Variants in SNX10 observed in about 807,000 individuals in gnomAD.
The protein encoded by SNX10 is sorting nexin-10.
Under a neutral mutation model 28.5 loss-of-function variants are expected in SNX10, and 25 were observed. The ratio of observed to expected loss-of-function variants is 0.88; its 90% CI spans 0.64 to 1.22. The LOEUF is 1.22. SNX10 is among the 50% of genes most tolerant of loss of function. The probability of loss-of-function intolerance (pLI) is 0.00; values close to 1 mark genes in which losing one functional copy is unlikely to be tolerated. For synonymous variants in SNX10, 62 were observed against 81.4 expected (o/e 0.76, Z 1.28); for missense variants, 223 against 242.6 (o/e 0.92, Z 0.54).
intron 1 of SNX10, among the ~76,000 whole-genome samples, chr7:26,305,266 C>T (rs1786538918): frequency 6.6e-6 from 1 of 152,214 alleles, no homozygotes; most frequent in Non-Finnish European, 1.5e-5. Context: ...GGATACTCCC[C>T]AGTTCCTCTC....
intron 1 of SNX10, among the ~76,000 whole-genome samples, chr7:26,301,106 C>T (rs1417684557): frequency 1.3e-5 from 2 of 149,494 alleles, no homozygotes; most frequent in East Asian, 4.1e-4. Context: ...TATGTTACTT[C>T]ATCATTGGTA....
intron 1 of SNX10, among the ~76,000 whole-genome samples, chr7:26,340,838 C>T (rs1406078291): frequency 1.3e-5 from 2 of 152,206 alleles, no homozygotes; most frequent in African/African-American, 2.4e-5. Flanking sequence ...GCAAATAGCT[C>T]ACTGCAGCCT....
chr7:26,321,135 C>G (rs1297665394), intron 1 of SNX10, among the ~76,000 whole-genome samples: 5 of 152,182 alleles, frequency 3.3e-5, no homozygotes, highest in African/African-American at 9.7e-5. Context: ...TGAACATTGG[C>G]CTGTTTCAAA....
At position 26,365,049 on chromosome 7, in the gene SNX10, A is replaced by G; in HGVS notation, c.215A>G (p.Gln72Arg). ...QRLQSNALLV[Q>R]LPELPSKNLF... ...CATTGTTTTTTCTTTCTCCTAAGAC[A>G]ACTGCCAGAACTTCCATCTAAAAAC... Residue 72 changes from glutamine to arginine, a missense_variant and splice_region_variant, in exon 5 of 7, where the codon CAA (glutamine) becomes CGA (arginine). Physicochemically the swap from Gln to Arg is conservative, Grantham distance 43 (BLOSUM62 1). Coordinates refer to ENST00000338523, the MANE Select transcript of SNX10 (RefSeq NM_013322.3). 2 of 1,595,800 alleles carry G rather than the reference A, an allele frequency of 1.3e-6. No homozygotes were observed. The highest frequency in any genetic ancestry group is 1.7e-6 in the Non-Finnish European group (2 of 1,163,390).
chr7:26,314,544 T>G (rs1786991455), intron 1 of SNX10, among the ~76,000 whole-genome samples: 1 of 152,218 alleles, frequency 6.6e-6, no homozygotes, highest in Non-Finnish European at 1.5e-5. Context: ...TCTGAAACCC[T>G]TGGGCTTTTA....
chr7:26,299,249 G>A (rs1786228664), intron 1 of SNX10, among the ~76,000 whole-genome samples: 1 of 152,068 alleles, frequency 6.6e-6, no homozygotes, highest in African/African-American at 2.4e-5. Context: ...AGGCTGGAGT[G>A]CGGTGGTGCG....
Position 26,372,487 on chromosome 7 carries a change from C to A in SNX10, c.525-4C>A. The A allele has an allele frequency of 6.3e-7, 1 of 1,593,274 alleles. No individual in the cohort carries two copies. Among genetic ancestry groups the A allele is most frequent in the Non-Finnish European group, 8.6e-7 (1 of 1,161,248 alleles). On this transcript the variant is annotated splice_polypyrimidine_tract_variant and splice_region_variant and intron_variant, in intron 6 of 6. Coordinates refer to ENST00000338523, the MANE Select transcript of SNX10 (RefSeq NM_013322.3). ...TATTATTTTCCCCCTCTCTTCTTTT[C>A]CAGTTCATCCTCTGGGCTTGGACAC...
intron 1 of SNX10, among the ~76,000 whole-genome samples, chr7:26,308,163 C>T (rs1486070847): frequency 6.6e-6 from 1 of 152,182 alleles, no homozygotes; most frequent in African/African-American, 2.4e-5. Flanking sequence ...TGTTTTAGGC[C>T]TCAGAAGCAG....
At chr7:26,369,023 G>A (rs1789402151) in intron 5 of SNX10, among the ~76,000 whole-genome samples, 1 of 152,034 alleles carries the variant, frequency 6.6e-6, no homozygotes, top group African/African-American at 2.4e-5. Flanking sequence ...CTTTTCAACT[G>A]TGTCCAGTTT....
At chr7:26,351,477 A>G (rs900005149) in intron 2 of SNX10, among the ~76,000 whole-genome samples, 1 of 152,162 alleles carries the variant, frequency 6.6e-6, no homozygotes, top group Non-Finnish European at 1.5e-5. Context: ...AATACCTGCG[A>G]GGGCTCCTCA....
intron 1 of SNX10, among the ~76,000 whole-genome samples, chr7:26,303,131 TA>T (rs1189745997): frequency 6.6e-6 from 1 of 152,210 alleles, no homozygotes; most frequent in Non-Finnish European, 1.5e-5. Flanking sequence ...GCAGATCCCC[TA>T]AAGTCTTTGA....
intron 1 of SNX10, among the ~76,000 whole-genome samples, chr7:26,321,564 T>G (rs1270325651): frequency 6.6e-6 from 1 of 152,208 alleles, no homozygotes; most frequent in African/African-American, 2.4e-5. Context: ...CTGCCTGCCT[T>G]GGCCACGTGT....
intron 2 of SNX10, among the ~76,000 whole-genome samples, chr7:26,358,812 T>TTTTTTTTTGTTTTTGTTTTTG (rs1562817104): frequency 2.1e-5 from 3 of 146,130 alleles, no homozygotes; most frequent in East Asian, 2.0e-4. Context: ...TGTGTTTTTT[T>TTTTTTTTTGTTTTTGTTTTTG]TTTTTTTTTT....
chr7:26,315,691 A>G (rs1787057501), intron 1 of SNX10, among the ~76,000 whole-genome samples: 1 of 152,026 alleles, frequency 6.6e-6, no homozygotes, highest in African/African-American at 2.4e-5. Context: ...ATTGCAAAAT[A>G]CTTGATAGGG....
intron 2 of SNX10, among the ~76,000 whole-genome samples, chr7:26,359,521 C>G (rs780067616): frequency 1.4e-4 from 21 of 152,140 alleles, no homozygotes; most frequent in Non-Finnish European, 2.6e-4. Context: ...TATTTAAAAT[C>G]AAACTCAGTT....
chr7:26,371,774 C>A, intron 5 of SNX10, 47 bp from the exon 6 acceptor site: 1 of 1,353,858 alleles, frequency 7.4e-7, no homozygotes, highest in South Asian at 1.2e-5. Context: ...TACCCTATCA[C>A]TGACCATCCT....
At chr7:26,297,270 A>G (rs950149753) in intron 1 of SNX10, among the ~76,000 whole-genome samples, 1 of 152,086 alleles carries the variant, frequency 6.6e-6, no homozygotes, top group Non-Finnish European at 1.5e-5. Flanking sequence ...TAATTTTCTT[A>G]CTTTTAGTAG....
At chr7:26,319,574 C>G (rs1787230097) in intron 1 of SNX10, among the ~76,000 whole-genome samples, 1 of 152,166 alleles carries the variant, frequency 6.6e-6, no homozygotes, top group Non-Finnish European at 1.5e-5. Context: ...GATATCATTA[C>G]AAACATATTG....
In SNX10 at chr7:26,360,964, T is replaced by C. The variant is rs769679139; in HGVS notation, c.25-11T>C. The C allele has an allele frequency of 2.5e-6, 4 of 1,612,854 alleles. No homozygotes were observed. Among genetic ancestry groups the C allele is most frequent in the Non-Finnish European group, 3.4e-6 (4 of 1,179,708 alleles). On this transcript the variant is annotated splice_polypyrimidine_tract_variant and intron_variant, in intron 2 of 6. Transcript: ENST00000338523. ...CTGAAGAATATTTCTTTGTTTATGA[T>C]GCCATTACAGGAATTTGTAAGTGTC...
Sources: gnomAD v4.1 joint callset for allele counts (sites outside exome capture counted in the v4.1 genomes callset) on GRCh38, gnomAD v4.1.1 for gene constraint, MANE v1.5 for transcripts, NCBI Gene and HGNC (gene_info 2026-07-23, HGNC 2026-07-21) for gene names.